The following PIGF variants were observed in gnomAD, a reference collection of about 807,000 sequenced individuals.
PIGF encodes the protein GPI ethanolamine phosphate transferase, stabilizing subunit.
A neutral mutation model predicts 26.0 loss-of-function variants in PIGF; 23 were observed. The ratio of observed to expected loss-of-function variants is 0.88; its 90% CI spans 0.64 to 1.25. The LOEUF is 1.25. PIGF is among the 50% of genes most tolerant of loss of function. The probability of loss-of-function intolerance (pLI) is 0.00; values close to 1 mark genes in which losing one functional copy is unlikely to be tolerated. For missense variants in PIGF, 278 were observed against 249.9 expected (o/e 1.11, Z -0.76); for synonymous variants, 93 against 92.6 (o/e 1.00, Z -0.03).
intron 4 of PIGF, among the ~76,000 whole-genome samples, chr2:46,594,119 G>C (rs1210971014): frequency 6.6e-6 from 1 of 152,194 alleles, no homozygotes; most frequent in Non-Finnish European, 1.5e-5. Flanking sequence ...GAACAGAGAT[G>C]TGTTCCAATG....
chr2:46,586,714 A>G (rs527302576), intron 5 of PIGF, among the ~76,000 whole-genome samples: 77 of 152,334 alleles, frequency 5.1e-4, no homozygotes, highest in African/African-American at 1.5e-3. Flanking sequence ...CTGCTGACCT[A>G]CTGGTTATAA....
intron 4 of PIGF, among the ~76,000 whole-genome samples, chr2:46,598,398 G>T (rs573029017): frequency 6.6e-6 from 1 of 152,028 alleles, no homozygotes; most frequent in Non-Finnish European, 1.5e-5. Context: ...TCCAGACTAG[G>T]CAAATCTACA....
chr2:46,608,857 G>A (rs991718244), intron 4 of PIGF, among the ~76,000 whole-genome samples: 2 of 152,112 alleles, frequency 1.3e-5, no homozygotes, highest in Admixed American at 1.3e-4. Flanking sequence ...CTGTCATCCA[G>A]ACTTCGTTGT....
At chr2:46,587,605 T>A (rs1411582689) in intron 5 of PIGF, among the ~76,000 whole-genome samples, 1 of 152,226 alleles carries the variant, frequency 6.6e-6, no homozygotes, top group Non-Finnish European at 1.5e-5. Flanking sequence ...ATACTTTATA[T>A]CAATTTTCCT....
Position 46,581,209 on chromosome 2 carries a change from C to T in PIGF, c.*269G>A. The T allele has an allele frequency of 1.0e-6, 1 of 968,456 alleles. No homozygotes were observed. The highest frequency in any genetic ancestry group is 2.7e-5 in the East Asian group (1 of 36,832). 60.0% of individuals were successfully genotyped at this position (968,456 alleles called of 1,614,324 possible). A position where few individuals can be genotyped will look rare whatever the true frequency, so the allele number is the denominator to read the frequency against. ...AAACTTGAAAGAAAACAAAACCTGT[C>T]CTCAGAATTCTATAAAGTGTATTAA... On this transcript the variant is annotated 3_prime_UTR_variant, in exon 6 of 6. Transcript: ENST00000281382.
At chr2:46,609,398 G>C (rs1042317930) in intron 4 of PIGF, among the ~76,000 whole-genome samples, 2 of 152,216 alleles carry the variant, frequency 1.3e-5, no homozygotes, top group Non-Finnish European at 2.9e-5. Context: ...CTCCCCATCA[G>C]CAGTAAGGCT....
chr2:46,599,331 GTACAAACTGGAGAA>G, intron 4 of PIGF, among the ~76,000 whole-genome samples: 1 of 152,090 alleles, frequency 6.6e-6, no homozygotes, highest in Admixed American at 6.5e-5. Context: ...TCCCTTTGAT[GTACAAACTGGAGAA>G]TCCCTTCATT....
At chr2:46,599,787 G>A (rs1386022357) in intron 4 of PIGF, among the ~76,000 whole-genome samples, 2 of 151,780 alleles carry the variant, frequency 1.3e-5, no homozygotes, top group Non-Finnish European at 2.9e-5. Flanking sequence ...TTTCTTTCAG[G>A]CCAGATTCTT....
At chr2:46,605,477 T>C (rs940598049) in intron 4 of PIGF, among the ~76,000 whole-genome samples, 3 of 152,162 alleles carry the variant, frequency 2.0e-5, no homozygotes, top group African/African-American at 4.8e-5. Context: ...AAGTATGATA[T>C]ATAAAATGCT....
At chr2:46,607,357 T>C (rs896572745) in intron 4 of PIGF, among the ~76,000 whole-genome samples, 7 of 152,202 alleles carry the variant, frequency 4.6e-5, no homozygotes, top group African/African-American at 1.7e-4. Context: ...AGTGCTATGT[T>C]TATTGTAATA....
chr2:46,604,472 C>A (rs1001785225), intron 4 of PIGF, among the ~76,000 whole-genome samples: 1 of 150,676 alleles, frequency 6.6e-6, no homozygotes, highest in East Asian at 1.9e-4. Context: ...TATCAACAGA[C>A]TAATGGATTA....
chr2:46,598,231 A>G (rs1038509102), intron 4 of PIGF, among the ~76,000 whole-genome samples: 3 of 151,618 alleles, frequency 2.0e-5, no homozygotes, highest in South Asian at 2.1e-4. Context: ...AAAAAAAAAA[A>G]GTAAGTTTTT....
chr2:46,592,250 C>A (rs1382087268), intron 5 of PIGF, among the ~76,000 whole-genome samples: 3 of 152,124 alleles, frequency 2.0e-5, no homozygotes, highest in Non-Finnish European at 4.4e-5. Flanking sequence ...TTCATCTACA[C>A]ATGTGCAAAA....
chr2:46,593,840 T>C lies in PIGF; in HGVS notation c.438-1257A>G, dbSNP rs532794137. 7.2e-5 allele frequency among the ~76,000 whole-genome samples: 11 copies of C among 152,330 alleles called. No homozygotes were observed. The South Asian group carries it at 2.3e-3, about 32-fold the overall frequency. On this transcript the variant is annotated intron_variant, in intron 4 of 5. Coordinates refer to ENST00000281382, the MANE Select transcript of PIGF (RefSeq NM_002643.4). ...TTTATTTAACTAGAAACAGGCCAAT[T>C]ATTACACGCAAAATGTACACTGAAT...
intron 4 of PIGF, among the ~76,000 whole-genome samples, chr2:46,597,919 T>C (rs1216629150): frequency 6.6e-6 from 1 of 152,222 alleles, no homozygotes; most frequent in African/African-American, 2.4e-5. Flanking sequence ...TGAAAATATA[T>C]GGGCCTTCTT....
rs11125083 is a variant in PIGF at position 46,588,085 on chromosome 2, G to A, written c.546+4390C>T. On this transcript the variant is annotated intron_variant, in intron 5 of 5. Coordinates refer to ENST00000281382, the MANE Select transcript of PIGF (RefSeq NM_002643.4). The surrounding 1 kb of genome is among the most constrained non-coding windows in gnomAD (Gnocchi z 4.1). ...GGGAGTAAAACCTACCTTGCACTACGGTTGTCAGGATTAAGTTACTCATTT... is the reference window on the plus strand; with the variant it reads ...GGGAGTAAAACCTACCTTGCACTACAGTTGTCAGGATTAAGTTACTCATTT... 2,537 of 1,589,352 alleles carry A rather than the reference G, an allele frequency of 1.6e-3. 34 individuals carry two copies. In the African/African-American group the frequency reaches 0.029, roughly 18 times the overall value.
At chr2:46,590,261 G>A (rs867219857) in intron 5 of PIGF, among the ~76,000 whole-genome samples, 6 of 152,050 alleles carry the variant, frequency 3.9e-5, no homozygotes, top group Non-Finnish European at 7.4e-5. Flanking sequence ...CATCAATTTG[G>A]ATCTAGTTCA....
At position 46,588,348 on chromosome 2, in the gene PIGF, A is replaced by G. The variant is rs940842804; in HGVS notation, c.546+4127T>C. ...AGACAATTAACATATTCTCTAATAT[A>G]TGAGAACTCAAATAAATCATGGAAT... On this transcript the variant is annotated intron_variant, in intron 5 of 5. Coordinates refer to ENST00000281382, the MANE Select transcript of PIGF (RefSeq NM_002643.4). This position sits in a 1 kb window ranked among gnomAD's most constrained non-coding sequence, Gnocchi z 4.1. 4.7e-6 allele frequency: 4 copies of G among 845,484 alleles called. No individual in the cohort carries two copies. The African/African-American group carries it at 5.2e-5, about 11-fold the overall frequency. The allele number at this position is 845,484 out of a possible 1,614,324, so 52.4% of individuals were successfully genotyped here.
In PIGF at chr2:46,581,376, G is replaced by A. The variant is rs936670450; in HGVS notation, c.*102C>T. 137 of 1,500,054 alleles carry A rather than the reference G, an allele frequency of 9.1e-5. No homozygotes were observed. Among genetic ancestry groups the A allele is most frequent in the Non-Finnish European group, 1.1e-4 (127 of 1,119,176 alleles). The allele number at this position is 1,500,054 out of a possible 1,614,324, so 92.9% of individuals were successfully genotyped here. On this transcript the variant is annotated 3_prime_UTR_variant, in exon 6 of 6. Transcript: ENST00000281382. ...TACAATCACATCATGTTGTAACTACGTAAAAAACAGAGCTGTAAATGGAAC... is the reference window on the plus strand; with the variant it reads ...TACAATCACATCATGTTGTAACTACATAAAAAACAGAGCTGTAAATGGAAC...
Sources: gnomAD v4.1 joint callset for allele counts (sites outside exome capture counted in the v4.1 genomes callset) on GRCh38, gnomAD v4.1.1 for gene constraint, Gnocchi (gnomAD v3.1) non-coding constraint, MANE v1.5 for transcripts, NCBI Gene and HGNC (gene_info 2026-07-23, HGNC 2026-07-21) for gene names.